The following NKAIN2 variants were observed in gnomAD, a reference collection of about 807,000 sequenced individuals.
The protein encoded by NKAIN2 is sodium/potassium transporting ATPase interacting 2, also known as sodium/potassium-transporting ATPase subunit beta-1-interacting protein 2.
In NKAIN2, 14 loss-of-function variants were observed where a neutral mutation model predicts 32.6. The ratio of observed to expected loss-of-function variants is 0.43; its 90% CI spans 0.28 to 0.67. NKAIN2 has a LOEUF of 0.67. NKAIN2 is among the 30% of genes least tolerant of loss of function. NKAIN2 has a pLI of 0.17. For synonymous variants in NKAIN2, 80 were observed against 87.2 expected (o/e 0.92, Z 0.46); for missense variants, 198 against 258.3 (o/e 0.77, Z 1.60).
At chr6:124,574,675 C>T (rs1054085789) in intron 3 of NKAIN2, among the ~76,000 whole-genome samples, 4 of 152,038 alleles carry the variant, frequency 2.6e-5, no homozygotes, top group Non-Finnish European at 4.4e-5. Flanking sequence ...GTGAAAATGG[C>T]AAATCTATGG....
At chr6:124,310,807 G>A (rs1461243304) in intron 2 of NKAIN2, among the ~76,000 whole-genome samples, 1 of 152,070 alleles carries the variant, frequency 6.6e-6, no homozygotes, top group African/African-American at 2.4e-5. Flanking sequence ...CCCAGGCCCT[G>A]AAAGCTAGAA....
intron 1 of NKAIN2, among the ~76,000 whole-genome samples, chr6:123,850,355 A>AATATAT (rs1554214466): frequency 5.2e-4 from 70 of 133,492 alleles, no homozygotes; most frequent in African/African-American, 1.9e-3. Flanking sequence ...AAAAAAAAAA[A>AATATAT]ATATATATAT....
chr6:123,853,416 T>A (rs922231274), intron 1 of NKAIN2, among the ~76,000 whole-genome samples: 6 of 152,182 alleles, frequency 3.9e-5, no homozygotes, highest in African/African-American at 1.4e-4. Context: ...AAATGTAATA[T>A]TAATAAAAAA....
rs534183580 is a variant in NKAIN2 at position 124,602,815 on chromosome 6, G to A, written c.274-55371G>A. ...CCACATTCTGGAATGTAGAACTTTCGTTTTCCACAAGTAGCATGAGAACAA... is the reference window on the plus strand; with the variant it reads ...CCACATTCTGGAATGTAGAACTTTCATTTTCCACAAGTAGCATGAGAACAA... On this transcript the variant is annotated intron_variant, in intron 3 of 6. Coordinates refer to ENST00000368417, the MANE Select transcript of NKAIN2 (RefSeq NM_001040214.3). 7.2e-5 allele frequency among the ~76,000 whole-genome samples: 11 copies of A among 151,738 alleles called. 1 individual carries two copies. The highest frequency in any genetic ancestry group is 4.1e-4 in the South Asian group (2 of 4,824).
chr6:124,737,326 C>A (rs895500319), intron 4 of NKAIN2, among the ~76,000 whole-genome samples: 4 of 151,796 alleles, frequency 2.6e-5, no homozygotes, highest in Non-Finnish European at 5.9e-5. Flanking sequence ...TTAAAAGGGG[C>A]TTTTCCCCCT....
Position 124,355,291 on chromosome 6 carries a change from G to A in NKAIN2, c.217G>A (p.Val73Ile). The change falls in exon 3 of 7, where the codon GTT (valine) becomes ATT (isoleucine). Residue 73 changes from valine to isoleucine, a missense_variant. Physicochemically the swap from Val to Ile is conservative, Grantham distance 29. Coordinates refer to ENST00000368417, the MANE Select transcript of NKAIN2 (RefSeq NM_001040214.3). ...TGYAVWLVLW[V>I]TWNVFVICFY... ...GTATGCTGTCTGGCTAGTCCTCTGGGTTACGTGGAATGTGTTTGTTATCTG... is the reference window on the plus strand; with the variant it reads ...GTATGCTGTCTGGCTAGTCCTCTGGATTACGTGGAATGTGTTTGTTATCTG... 6.2e-7 allele frequency: 1 copy of A among 1,609,532 alleles called. No homozygotes were observed. Among genetic ancestry groups the A allele is most frequent in the South Asian group, 1.1e-5 (1 of 90,970 alleles).
chr6:124,752,091 AG>A, intron 4 of NKAIN2, among the ~76,000 whole-genome samples: 1 of 152,146 alleles, frequency 6.6e-6, no homozygotes, highest in Non-Finnish European at 1.5e-5. Context: ...GAAAATGCCT[AG>A]CTTTACTTTT....
At chr6:124,717,305 C>T (rs1775800564) in intron 4 of NKAIN2, among the ~76,000 whole-genome samples, 1 of 151,540 alleles carries the variant, frequency 6.6e-6, no homozygotes, top group Admixed American at 6.6e-5. Context: ...CATTTTCCCA[C>T]TGTCTAAGAC....
intron 4 of NKAIN2, among the ~76,000 whole-genome samples, chr6:124,750,696 A>T (rs1184094753): frequency 6.6e-6 from 1 of 151,942 alleles, no homozygotes; most frequent in African/African-American, 2.4e-5. Flanking sequence ...GAATAACTGT[A>T]TGTTTACATT....
intron 1 of NKAIN2, among the ~76,000 whole-genome samples, chr6:124,230,062 T>C (rs973526719): frequency 6.6e-6 from 1 of 152,106 alleles, no homozygotes; most frequent in Non-Finnish European, 1.5e-5. Context: ...TAGAAACTTA[T>C]TGAATGGCTT....
intron 1 of NKAIN2, among the ~76,000 whole-genome samples, chr6:124,081,847 A>T (rs754400386): frequency 1.3e-5 from 2 of 151,832 alleles, no homozygotes; most frequent in Non-Finnish European, 2.9e-5. Context: ...TAAGTTTGTG[A>T]GTTGGATCAC....
intron 1 of NKAIN2, among the ~76,000 whole-genome samples, chr6:123,993,214 C>T (rs1458710938): frequency 6.6e-6 from 1 of 152,062 alleles, no homozygotes; most frequent in Non-Finnish European, 1.5e-5. Flanking sequence ...CTGTCTACAT[C>T]ATTTATTGTC....
At chr6:124,551,661 A>C (rs1780292498) in intron 3 of NKAIN2, among the ~76,000 whole-genome samples, 1 of 152,230 alleles carries the variant, frequency 6.6e-6, no homozygotes, top group Admixed American at 6.5e-5. Flanking sequence ...AGGTCACTAA[A>C]ATAACAAATT....
chr6:124,384,867 C>T (rs1772823543), intron 3 of NKAIN2, among the ~76,000 whole-genome samples: 2 of 152,154 alleles, frequency 1.3e-5, no homozygotes, highest in Non-Finnish European at 2.9e-5. Context: ...AAATGATCCA[C>T]CCGCTTCAGC....
At chr6:123,846,120 C>T (rs1271121789) in intron 1 of NKAIN2, among the ~76,000 whole-genome samples, 1 of 151,978 alleles carries the variant, frequency 6.6e-6, no homozygotes, top group Non-Finnish European at 1.5e-5. Context: ...TATATTTTTG[C>T]CCTATTAAAG....
chr6:124,476,036 G>A (rs1483322512), intron 3 of NKAIN2, among the ~76,000 whole-genome samples: 2 of 145,620 alleles, frequency 1.4e-5, no homozygotes, highest in African/African-American at 2.6e-5. Context: ...GTGTGTGAGA[G>A]AGTGTGTGTG....
chr6:123,956,848 A>G lies in NKAIN2; in HGVS notation c.54+152594A>G, dbSNP rs572098999. Among the ~76,000 whole-genome samples, 6 of 152,356 alleles carry G rather than the reference A, an allele frequency of 3.9e-5. 1 individual carries two copies. The South Asian group carries it at 1.0e-3, about 26-fold the overall frequency. ...AGCTAGCCTCTCTGTGAATCAGTGC[A>G]AAGAGAATAAAAGTAAATTCAATTA... is the stretch of plus-strand genomic sequence containing the variant. On this transcript the variant is annotated intron_variant, in intron 1 of 6. Transcript: ENST00000368417.
chr6:124,621,845 A>G (rs952038839), intron 3 of NKAIN2, among the ~76,000 whole-genome samples: 2 of 152,076 alleles, frequency 1.3e-5, no homozygotes, highest in African/African-American at 4.8e-5. Context: ...CTTTGGATCT[A>G]GTTGTCCTTC....
chr6:124,504,908 A>G (rs1325239412), intron 3 of NKAIN2, among the ~76,000 whole-genome samples: 1 of 152,232 alleles, frequency 6.6e-6, no homozygotes, highest in Non-Finnish European at 1.5e-5. Context: ...GAAACCAGAT[A>G]TTTGTAGTAG....
Sources: allele counts gnomAD v4.1 joint callset (sites outside exome capture counted in the v4.1 genomes callset), GRCh38; gene constraint gnomAD v4.1.1; transcripts MANE v1.5; gene names NCBI Gene and HGNC (gene_info 2026-07-23, HGNC 2026-07-21).